SLC13A1: variants seen among roughly 807,000 people sequenced by gnomAD.
SLC13A1 encodes solute carrier family 13 member 1.
SLC13A1 carries 65 observed loss-of-function variants against 70.0 expected under a neutral mutation model. The ratio of observed to expected loss-of-function variants is 0.93; its 90% CI spans 0.76 to 1.14. SLC13A1 has a LOEUF of 1.14. Ranked by LOEUF, SLC13A1 falls within the 50% of genes most tolerant of loss-of-function variation. The probability of loss-of-function intolerance (pLI) is 0.00; values close to 1 mark genes in which losing one functional copy is unlikely to be tolerated. For synonymous variants in SLC13A1, 275 were observed against 250.5 expected (o/e 1.10, Z -0.92); for missense variants, 726 against 717.8 (o/e 1.01, Z -0.13).
intron 1 of SLC13A1, among the ~76,000 whole-genome samples, chr7:123,197,932 T>C (rs1038354410): frequency 2.0e-5 from 3 of 152,196 alleles, no homozygotes; most frequent in Non-Finnish European, 2.9e-5. Context: ...AATCAAATTG[T>C]CATGCATTTA....
intron 1 of SLC13A1, among the ~76,000 whole-genome samples, chr7:123,186,173 G>T (rs543058520): frequency 6.6e-6 from 1 of 151,816 alleles, no homozygotes; most frequent in East Asian, 1.9e-4. Context: ...AAAGATCTGT[G>T]AATAATCTTG....
At chr7:123,195,524 T>C (rs1309334161) in intron 1 of SLC13A1, among the ~76,000 whole-genome samples, 1 of 151,980 alleles carries the variant, frequency 6.6e-6, no homozygotes, top group Non-Finnish European at 1.5e-5. Context: ...TTCCTCCTTC[T>C]AGGGGATACT....
At chr7:123,164,914 T>G (rs965897011) in intron 6 of SLC13A1, among the ~76,000 whole-genome samples, 8 of 150,932 alleles carry the variant, frequency 5.3e-5, no homozygotes, top group Non-Finnish European at 1.0e-4. Flanking sequence ...ATTTTTTTTT[T>G]GACTTGTAGG....
intron 1 of SLC13A1, 22 bp from the exon 2 acceptor site, chr7:123,181,123 C>A (rs764815956): frequency 6.2e-7 from 1 of 1,605,640 alleles, no homozygotes; most frequent in Non-Finnish European, 8.5e-7. Flanking sequence ...AAATGCAAAG[C>A]AAAAGGTGAT....
chr7:123,164,684 T>A (rs1471050065), intron 6 of SLC13A1, among the ~76,000 whole-genome samples: 1 of 151,888 alleles, frequency 6.6e-6, no homozygotes, highest in African/African-American at 2.4e-5. Flanking sequence ...TGTTAGGCTG[T>A]GTTGAGGGAA....
intron 3 of SLC13A1, among the ~76,000 whole-genome samples, chr7:123,170,629 T>G (rs1795238170): frequency 6.6e-6 from 1 of 151,746 alleles, no homozygotes; most frequent in African/African-American, 2.4e-5. Context: ...TTTTTTTGTT[T>G]GTTTGTTTGT....
intron 6 of SLC13A1, among the ~76,000 whole-genome samples, chr7:123,165,970 C>T (rs10265597): frequency 0.028 from 4,229 of 152,090 alleles, 181 homozygotes; most frequent in African/African-American, 0.094. Flanking sequence ...CATTCTTGCA[C>T]TCATGAGTTC....
chr7:123,141,389 A>G (rs1281469184), intron 7 of SLC13A1, among the ~76,000 whole-genome samples: 1 of 152,152 alleles, frequency 6.6e-6, no homozygotes, highest in Admixed American at 6.5e-5. Flanking sequence ...TACTGCAGCC[A>G]TTTGATGAAA....
chr7:123,178,132 G>GAAATATC lies in SLC13A1; in HGVS notation c.228+2834_228+2840dup, dbSNP rs1475500124. ...CGATGATAATATTAATGCTTGTTTT[G>GAAATATC]AAATATCAAATTGAACATACTCTAA... On this transcript the variant is annotated intron_variant, in intron 2 of 14. Coordinates refer to ENST00000194130, the MANE Select transcript of SLC13A1 (RefSeq NM_022444.4). 2.7e-5 allele frequency among the ~76,000 whole-genome samples: 4 copies of GAAATATC among 150,906 alleles called. No homozygotes were observed. The East Asian group carries it at 7.8e-4, about 29-fold the overall frequency.
intron 1 of SLC13A1, chr7:123,186,662 A>T (rs1795811981): frequency 2.2e-6 from 1 of 450,402 alleles, no homozygotes; most frequent in Admixed American, 2.4e-5. Flanking sequence ...GTCAATTAAG[A>T]GTATGAGTGA....
chr7:123,134,878 G>C (rs929430018), intron 7 of SLC13A1, among the ~76,000 whole-genome samples: 1 of 152,136 alleles, frequency 6.6e-6, no homozygotes, highest in South Asian at 2.1e-4. Context: ...TTTGCGTTTT[G>C]TTGTCAATAC....
At chr7:123,172,643 G>A (rs11973590) in intron 2 of SLC13A1, among the ~76,000 whole-genome samples, 7,684 of 152,100 alleles carry the variant, frequency 0.051, 633 homozygotes, top group African/African-American at 0.17. Context: ...TAATAAAATT[G>A]TAAAACAAAT....
chr7:123,143,106 C>G (rs1016444412), intron 7 of SLC13A1, among the ~76,000 whole-genome samples: 3 of 152,136 alleles, frequency 2.0e-5, no homozygotes, highest in East Asian at 3.9e-4. Flanking sequence ...AAAGTCCTCT[C>G]CACTCTTCCC....
At chr7:123,131,775 C>T (rs535373329) in intron 8 of SLC13A1, among the ~76,000 whole-genome samples, 36 of 152,208 alleles carry the variant, frequency 2.4e-4, no homozygotes, top group South Asian at 6.2e-4. Flanking sequence ...ATAGTGGACA[C>T]CAAGGGAACT....
intron 2 of SLC13A1, among the ~76,000 whole-genome samples, chr7:123,179,732 C>T (rs1451553004): frequency 6.6e-6 from 1 of 152,138 alleles, no homozygotes; most frequent in Non-Finnish European, 1.5e-5. Flanking sequence ...GTGAATCTCA[C>T]TTCTACTTCA....
intron 1 of SLC13A1, among the ~76,000 whole-genome samples, chr7:123,186,220 A>C (rs895260953): frequency 2.6e-5 from 4 of 152,080 alleles, no homozygotes; most frequent in Admixed American, 6.6e-5. Flanking sequence ...AGAAAAAAAA[A>C]CAACCATTTT....
At position 123,143,417 on chromosome 7, in the gene SLC13A1, T is replaced by C. The variant is rs141298224; in HGVS notation, c.812+3742A>G. ...GGAAGTCAAGTTCCAACTGCTGGGATGGGCACTTCTTCTCTGGCTACAGCT... is the reference window on the plus strand; with the variant it reads ...GGAAGTCAAGTTCCAACTGCTGGGACGGGCACTTCTTCTCTGGCTACAGCT... On this transcript the variant is annotated intron_variant, in intron 7 of 14. Coordinates refer to ENST00000194130, the MANE Select transcript of SLC13A1 (RefSeq NM_022444.4). Among the ~76,000 whole-genome samples the C allele has an allele frequency of 7.4e-4, 113 of 152,330 alleles. 3 individuals carry two copies. In the East Asian group the frequency reaches 0.021, roughly 29 times the overall value.
chr7:123,118,108 T>C (rs1403064347), intron 13 of SLC13A1, among the ~76,000 whole-genome samples: 2 of 152,060 alleles, frequency 1.3e-5, no homozygotes, highest in Non-Finnish European at 2.9e-5. Context: ...AGCATACAGC[T>C]GGTGAGCAAC....
chr7:123,167,730 A>C (rs1585366207), intron 6 of SLC13A1, among the ~76,000 whole-genome samples: 1 of 151,872 alleles, frequency 6.6e-6, no homozygotes, highest in Non-Finnish European at 1.5e-5. Flanking sequence ...CAACTCCTCC[A>C]CCTGTATTTG....
Sources: allele counts gnomAD v4.1 joint callset (sites outside exome capture counted in the v4.1 genomes callset), GRCh38; gene constraint gnomAD v4.1.1; transcripts MANE v1.5; gene names NCBI Gene and HGNC (gene_info 2026-07-23, HGNC 2026-07-21).